TXK: variants seen among roughly 807,000 people sequenced by gnomAD.
TXK encodes TXK tyrosine kinase, also known as tyrosine-protein kinase TXK.
TXK carries 60 observed loss-of-function variants against 81.0 expected under a neutral mutation model. That is an observed-to-expected ratio of 0.74 (90% CI 0.60 to 0.92). The LOEUF (loss-of-function observed/expected upper bound fraction) is 0.92. TXK is among the 40% of genes least tolerant of loss of function. The probability of loss-of-function intolerance (pLI) is 0.00; values close to 1 mark genes in which losing one functional copy is unlikely to be tolerated. For synonymous variants in TXK, 203 were observed against 210.7 expected (o/e 0.96, Z 0.32); for missense variants, 581 against 638.3 (o/e 0.91, Z 0.97).
At chr4:48,092,742 C>T (rs1023537114) in intron 8 of TXK, among the ~76,000 whole-genome samples, 1 of 152,126 alleles carries the variant, frequency 6.6e-6, no homozygotes, top group Admixed American at 6.5e-5. Flanking sequence ...CAGTGGATGG[C>T]AGGTAAGGGC....
intron 6 of TXK, among the ~76,000 whole-genome samples, chr4:48,101,764 T>C (rs1407194044): frequency 1.3e-5 from 2 of 150,676 alleles, no homozygotes; most frequent in Non-Finnish European, 3.0e-5. Context: ...ATCCATTAAC[T>C]ACTTCAAGAG....
At chr4:48,111,882 T>C (rs180924168) in intron 4 of TXK, among the ~76,000 whole-genome samples, 72 of 152,358 alleles carry the variant, frequency 4.7e-4, no homozygotes, top group Non-Finnish European at 8.4e-4. Context: ...GCGACTGCAA[T>C]GTTTGCTTTC....
At chr4:48,073,883 T>A in intron 13 of TXK, 52 bp downstream of exon 13, 2 of 1,175,506 alleles carry the variant, frequency 1.7e-6, no homozygotes, top group South Asian at 2.8e-5. Context: ...AAATAACACA[T>A]TGCCCATTTT....
At chr4:48,082,449 C>G (rs1444047204) in intron 10 of TXK, among the ~76,000 whole-genome samples, 2 of 152,218 alleles carry the variant, frequency 1.3e-5, no homozygotes, top group Non-Finnish European at 2.9e-5. Flanking sequence ...CTCCACAACT[C>G]TTTAGAGTAA....
At chr4:48,070,985 G>A (rs1384435614) in intron 14 of TXK, among the ~76,000 whole-genome samples, 84 of 132,050 alleles carry the variant, frequency 6.4e-4, no homozygotes, top group African/African-American at 2.3e-3. Flanking sequence ...TGCAAGCTCC[G>A]CCTCCCAGGT....
chr4:48,120,530 G>A (rs1402346224), intron 1 of TXK, among the ~76,000 whole-genome samples: 6 of 149,224 alleles, frequency 4.0e-5, no homozygotes, highest in East Asian at 3.9e-4. Flanking sequence ...TCGCTCTGTC[G>A]CCGAGACTGG....
chr4:48,120,869 G>GAAA (rs11445034), intron 1 of TXK, among the ~76,000 whole-genome samples: 6 of 147,528 alleles, frequency 4.1e-5, no homozygotes, highest in African/African-American at 1.5e-4. Flanking sequence ...ACCACTTCTA[G>GAAA]AAAAAAAAAA....
intron 5 of TXK, among the ~76,000 whole-genome samples, chr4:48,108,324 T>G (rs3792626): frequency 0.16 from 24,081 of 152,172 alleles, 2,233 homozygotes; most frequent in East Asian, 0.37. Context: ...TCCTGTTAGT[T>G]TCATAGTTCA....
chr4:48,106,915 A>C (rs1489593668), intron 5 of TXK, among the ~76,000 whole-genome samples: 1 of 152,166 alleles, frequency 6.6e-6, no homozygotes, highest in Non-Finnish European at 1.5e-5. Flanking sequence ...CTTGTTTTTA[A>C]AATGATATTT....
intron 1 of TXK, among the ~76,000 whole-genome samples, chr4:48,121,197 T>G (rs1363959742): frequency 6.6e-6 from 1 of 152,230 alleles, no homozygotes; most frequent in Non-Finnish European, 1.5e-5. Context: ...CAGTTCTAAT[T>G]AACTCCAGAC....
chr4:48,076,883 C>T (rs569282871), intron 11 of TXK, among the ~76,000 whole-genome samples: 1 of 152,352 alleles, frequency 6.6e-6, no homozygotes, highest in South Asian at 2.1e-4. Context: ...CCCACCTTGG[C>T]TTCCCAAAGT....
chr4:48,092,574 G>C (rs1717820091), intron 8 of TXK, among the ~76,000 whole-genome samples: 1 of 67,502 alleles, frequency 1.5e-5, no homozygotes, highest in Non-Finnish European at 4.0e-5. Flanking sequence ...TTCCAAAAGT[G>C]TGACTTACAA....
rs1718694868 is a variant in TXK, at chr4:48,113,243, G to A, written c.138C>T (p.Arg46=). 6.2e-7 allele frequency: 1 copy of A among 1,613,516 alleles called. No homozygotes were observed. The highest frequency in any genetic ancestry group is 1.3e-5 in the African/African-American group (1 of 74,864). The change falls in exon 3 of 15, where the codon CGC becomes CGT. Residue 46 remains arginine (R), a synonymous_variant. Coordinates refer to ENST00000264316, the MANE Select transcript of TXK (RefSeq NM_003328.3). ...TTGACAATTGGCTGAGCCACGGCCT[G>A]CGACGCTGGGTGTATTTTTCTGGAA... is the stretch of plus-strand genomic sequence containing the variant. ...EELPEKYTQR[R]RPWLSQLSNK...
chr4:48,103,714 G>A (rs1718291872), intron 6 of TXK, among the ~76,000 whole-genome samples: 1 of 152,172 alleles, frequency 6.6e-6, no homozygotes, highest in Admixed American at 6.5e-5. Flanking sequence ...GTGTTGGTTT[G>A]ACCTAAATGA....
In TXK at chr4:48,073,917, A is replaced by C. The variant is rs755593033; in HGVS notation, c.1357+18T>G. The C allele has an allele frequency of 3.4e-6, 5 of 1,463,356 alleles. No individual in the cohort carries two copies. The highest frequency in any genetic ancestry group is 3.8e-6 in the Non-Finnish European group (4 of 1,056,606). 90.6% of individuals were successfully genotyped at this position (1,463,356 alleles called of 1,614,324 possible). A position where few individuals can be genotyped will look rare whatever the true frequency, so the allele number is the denominator to read the frequency against. Reference sequence around the variant, plus strand: ...TTATTAAATCAAGCTCCAGCAAGTGAACATCAGATGCACTCACCAAATGAC... The same window carrying C: ...TTATTAAATCAAGCTCCAGCAAGTGCACATCAGATGCACTCACCAAATGAC... On this transcript the variant is annotated intron_variant, in intron 13 of 14. Transcript: ENST00000264316.
At chr4:48,114,630 T>G in intron 1 of TXK, 2 of 551,012 alleles carry the variant, frequency 3.6e-6, no homozygotes, top group Non-Finnish European at 6.5e-6. Context: ...GCCTGGTTTT[T>G]GCATTTCCTC....
At chr4:48,105,056 G>T in intron 5 of TXK, 101 bp from the exon 6 acceptor site, 1 of 735,508 alleles carries the variant, frequency 1.4e-6, no homozygotes, top group African/African-American at 1.8e-5. Flanking sequence ...TCAGAACTGA[G>T]CTTAGAAAGT....
At chr4:48,068,154 AC>A (rs1421494515) in intron 14 of TXK, among the ~76,000 whole-genome samples, 3 of 152,252 alleles carry the variant, frequency 2.0e-5, no homozygotes, top group Admixed American at 2.0e-4. Context: ...CGTGCTAGCC[AC>A]TTTTCAAGAA....
Position 48,112,516 on chromosome 4 carries a change from T to C in TXK, c.175-4A>G. The C allele has an allele frequency of 6.2e-7, 1 of 1,601,634 alleles. No individual in the cohort carries two copies. The highest frequency in any genetic ancestry group is 1.1e-5 in the South Asian group (1 of 89,514). On this transcript the variant is annotated splice_region_variant and splice_polypyrimidine_tract_variant and intron_variant, in intron 3 of 14. Coordinates refer to ENST00000264316, the MANE Select transcript of TXK (RefSeq NM_003328.3). ...GCTGCACACGGCCCGTGTTGGACTG[T>C]GAAAACCAATAAGTGAGTTGTTTTA...
Sources: gnomAD v4.1 joint callset for allele counts (sites outside exome capture counted in the v4.1 genomes callset) on GRCh38, gnomAD v4.1.1 for gene constraint, MANE v1.5 for transcripts, NCBI Gene and HGNC (gene_info 2026-07-23, HGNC 2026-07-21) for gene names.